SPATA9: variants seen among roughly 807,000 people sequenced by gnomAD.
SPATA9 encodes spermatogenesis-associated protein 9.
SPATA9 carries 27 observed loss-of-function variants against 25.5 expected under a neutral mutation model. The observed-to-expected ratio is 1.06, with a 90% confidence interval of 0.78 to 1.46. The LOEUF (loss-of-function observed/expected upper bound fraction) is 1.46, where lower values mean the gene tolerates loss of function less well. SPATA9 is among the 40% of genes most tolerant of loss of function. SPATA9 has a pLI of 0.00. For missense variants in SPATA9, 282 were observed against 297.5 expected, an observed-to-expected ratio of 0.95 and a Z score of 0.38; for synonymous variants, 102 against 105.7, an observed-to-expected ratio of 0.97 and a Z score of 0.21.
intron 3 of SPATA9, among the ~76,000 whole-genome samples, chr5:95,667,570 C>T (rs556736336): frequency 1.2e-4 from 18 of 151,992 alleles, no homozygotes; most frequent in Admixed American, 3.9e-4. Flanking sequence ...TTAGGCTACA[C>T]GGAGACAAAT....
chr5:95,694,566 T>C (rs1242429816), intron 1 of SPATA9, among the ~76,000 whole-genome samples: 1 of 152,228 alleles, frequency 6.6e-6, no homozygotes, highest in East Asian at 1.9e-4. Flanking sequence ...TTGATGATGA[T>C]ACCTCTTCAG....
At chr5:95,682,430 G>A (rs904030605) in intron 2 of SPATA9, 98 bp downstream of exon 2, 3 of 868,526 alleles carry the variant, frequency 3.5e-6, no homozygotes, top group Non-Finnish European at 5.1e-6. Context: ...CTAAAGTTTT[G>A]ATCACTGATC....
chr5:95,659,824 C>T (rs2112546286), intron 4 of SPATA9, among the ~76,000 whole-genome samples: 1 of 152,202 alleles, frequency 6.6e-6, no homozygotes, highest in East Asian at 1.9e-4. Flanking sequence ...GCAGTTAGTT[C>T]ATTAGCTACC....
intron 1 of SPATA9, among the ~76,000 whole-genome samples, chr5:95,691,771 C>T (rs1224029907): frequency 6.6e-6 from 1 of 152,104 alleles, no homozygotes; most frequent in African/African-American, 2.4e-5. Flanking sequence ...TATGTTGTTC[C>T]TGTTTTCAAT....
chr5:95,722,651 G>C, the SPATA9 span, among the ~76,000 whole-genome samples: 3 of 152,228 alleles, frequency 2.0e-5, no homozygotes, highest in South Asian at 4.1e-4. Context: ...CACCATGCCC[G>C]GCTAATTTTT....
intron 3 of SPATA9, among the ~76,000 whole-genome samples, chr5:95,668,690 TA>T (rs1317068143): frequency 6.6e-6 from 1 of 152,244 alleles, no homozygotes; most frequent in African/African-American, 2.4e-5. Context: ...GTAAAACATG[TA>T]AAATATATGG....
At chr5:95,677,667 A>G (rs1007188616) in intron 2 of SPATA9, among the ~76,000 whole-genome samples, 3 of 152,218 alleles carry the variant, frequency 2.0e-5, no homozygotes, top group Admixed American at 6.5e-5. Flanking sequence ...TCAGAAAAGT[A>G]CATCTAAGGG....
intron 2 of SPATA9, among the ~76,000 whole-genome samples, chr5:95,677,976 C>T (rs1753100737): frequency 6.6e-6 from 1 of 152,138 alleles, no homozygotes; most frequent in South Asian, 2.1e-4. Context: ...TTAAAAATTA[C>T]TCTTTACTAA....
the SPATA9 span, among the ~76,000 whole-genome samples, chr5:95,707,036 A>T: frequency 2.0e-5 from 3 of 152,200 alleles, no homozygotes; most frequent in Non-Finnish European, 4.4e-5. Flanking sequence ...GGGTATTTTG[A>T]TAGAAAAGCA....
At chr5:95,712,616 G>C in the SPATA9 span, among the ~76,000 whole-genome samples, 1 of 152,206 alleles carries the variant, frequency 6.6e-6, no homozygotes, top group Non-Finnish European at 1.5e-5. Flanking sequence ...TGTCAGACAA[G>C]AAAGTGAAGG....
intron 4 of SPATA9, among the ~76,000 whole-genome samples, chr5:95,662,824 A>T (rs1006685004): frequency 4.6e-5 from 7 of 151,278 alleles, no homozygotes; most frequent in Non-Finnish European, 7.4e-5. Context: ...AGCCAAGGAG[A>T]TGCAAATTAA....
chr5:95,660,262 C>A (rs1484914549), intron 4 of SPATA9, among the ~76,000 whole-genome samples: 1 of 152,112 alleles, frequency 6.6e-6, no homozygotes, highest in African/African-American at 2.4e-5. Flanking sequence ...TCTCAGGCCT[C>A]ATTTCTAAGG....
chr5:95,731,822 T>C, the SPATA9 span: 1 of 1,603,318 alleles, frequency 6.2e-7, no homozygotes, highest in Non-Finnish European at 8.5e-7. Context: ...GCGCTGACCG[T>C]GCTTCCCTTC....
upstream of SPATA9, among the ~76,000 whole-genome samples, chr5:95,700,904 C>T (rs1041117253): frequency 1.3e-5 from 2 of 152,092 alleles, no homozygotes; most frequent in Admixed American, 6.5e-5. Flanking sequence ...ATCTTTATTT[C>T]TTAAAATATT....
chr5:95,687,330 G>A (rs1753774024), upstream of SPATA9, among the ~76,000 whole-genome samples: 1 of 152,186 alleles, frequency 6.6e-6, no homozygotes. Flanking sequence ...CCAAGCTTGG[G>A]AAATCCTGGG....
At chr5:95,652,936 C>A, downstream of SPATA9, 1 of 760,256 alleles carries the variant, frequency 1.3e-6, no homozygotes, top group Non-Finnish European at 2.0e-6. Flanking sequence ...AATCAATTCA[C>A]ACTTTCCTGC....
At chr5:95,703,743 G>A in the SPATA9 span, among the ~76,000 whole-genome samples, 1 of 152,054 alleles carries the variant, frequency 6.6e-6, no homozygotes, top group Non-Finnish European at 1.5e-5. Context: ...TTATCAATGG[G>A]TGGTTGGATT....
chr5:95,707,904 TG>T, the SPATA9 span, among the ~76,000 whole-genome samples: 2 of 152,192 alleles, frequency 1.3e-5, no homozygotes, highest in African/African-American at 4.8e-5. Flanking sequence ...CTTGTGTTTT[TG>T]GGGAATCAAA....
At chr5:95,673,998 C>T (rs948660401) in intron 3 of SPATA9, among the ~76,000 whole-genome samples, 4 of 152,134 alleles carry the variant, frequency 2.6e-5, no homozygotes, top group Admixed American at 6.5e-5. Context: ...CCTCAGCCTC[C>T]CAAAGTGCTG....
Sources: gnomAD v4.1 joint callset for allele counts (sites outside exome capture counted in the v4.1 genomes callset) on GRCh38, gnomAD v4.1.1 for gene constraint, MANE v1.5 for transcripts, NCBI Gene and HGNC (gene_info 2026-07-23, HGNC 2026-07-21) for gene names.